The following NCKAP5 variants were observed in gnomAD, a reference collection of about 807,000 sequenced individuals.
NCKAP5 encodes the protein nck-associated protein 5.
A neutral mutation model predicts 167.0 loss-of-function variants in NCKAP5; 92 were observed. The ratio of observed to expected loss-of-function variants is 0.55; its 90% CI spans 0.47 to 0.66. NCKAP5 has a LOEUF of 0.66. Among genes scored for constraint, NCKAP5 ranks in the 30% least tolerant of loss-of-function variants. The pLI is 0.00. For missense variants in NCKAP5, 2,378 were observed against 2,315.0 expected (o/e 1.03, Z -0.56); for synonymous variants, 891 against 877.4 (o/e 1.02, Z -0.27).
intron 6 of NCKAP5, among the ~76,000 whole-genome samples, chr2:133,064,029 GACCC>G (rs2080103416): frequency 6.6e-6 from 1 of 152,136 alleles, no homozygotes; most frequent in African/African-American, 2.4e-5. Flanking sequence ...ACACAAATCA[GACCC>G]AACCTCAGCG....
chr2:132,736,166 G>C (rs1221046868), intron 16 of NCKAP5, among the ~76,000 whole-genome samples: 2 of 152,212 alleles, frequency 1.3e-5, no homozygotes, highest in African/African-American at 2.4e-5. Flanking sequence ...GGTGTGGACA[G>C]TCAGGGGCTC....
intron 11 of NCKAP5, among the ~76,000 whole-genome samples, chr2:132,805,579 G>A (rs1685364487): frequency 6.6e-6 from 1 of 150,538 alleles, no homozygotes; most frequent in African/African-American, 2.4e-5. Flanking sequence ...AATTTCATTT[G>A]CTTTTTAGAT....
At chr2:133,319,826 T>C (rs1681902845) in intron 3 of NCKAP5, among the ~76,000 whole-genome samples, 1 of 152,220 alleles carries the variant, frequency 6.6e-6, no homozygotes, top group Non-Finnish European at 1.5e-5. Flanking sequence ...GTTCTGAGTA[T>C]GCAAATGCTA....
chr2:133,450,762 G>A (rs1218618353), intron 3 of NCKAP5, among the ~76,000 whole-genome samples: 1 of 152,082 alleles, frequency 6.6e-6, no homozygotes, highest in African/African-American at 2.4e-5. Context: ...AAAACCTTCT[G>A]GTTGACATCA....
At chr2:133,587,102 C>G in the NCKAP5 span, among the ~76,000 whole-genome samples, 3 of 152,186 alleles carry the variant, frequency 2.0e-5, no homozygotes, top group African/African-American at 7.2e-5. Flanking sequence ...GACGTCCTCA[C>G]CTTTTCCCTT....
At chr2:132,878,742 A>T (rs1325609995) in intron 9 of NCKAP5, 106 bp downstream of exon 9, 1 of 837,214 alleles carries the variant, frequency 1.2e-6, no homozygotes, top group East Asian at 2.4e-5. Flanking sequence ...GGAGGAGAAA[A>T]TGCTGATGTT....
the NCKAP5 span, among the ~76,000 whole-genome samples, chr2:133,579,221 C>T: frequency 1.3e-5 from 2 of 152,124 alleles, no homozygotes; most frequent in Non-Finnish European, 2.9e-5. Flanking sequence ...CTAAAAATTG[C>T]ACAGCTACTG....
At chr2:132,785,971 C>A (rs1412491165) in intron 13 of NCKAP5, among the ~76,000 whole-genome samples, 2 of 152,152 alleles carry the variant, frequency 1.3e-5, no homozygotes, top group African/African-American at 4.8e-5. Context: ...GGAGGAATCC[C>A]AGTGGGGAGA....
At chr2:133,512,266 C>T (rs1683559187) in intron 3 of NCKAP5, among the ~76,000 whole-genome samples, 1 of 152,132 alleles carries the variant, frequency 6.6e-6, no homozygotes, top group African/African-American at 2.4e-5. Flanking sequence ...ATTCTTCCTA[C>T]TGGGGTATAT....
chr2:133,544,770 T>C (rs1451913860), intron 2 of NCKAP5, among the ~76,000 whole-genome samples: 5 of 152,222 alleles, frequency 3.3e-5, no homozygotes, highest in African/African-American at 4.8e-5. Flanking sequence ...TTAATCTAAA[T>C]CACTGTCTCC....
chr2:133,029,863 C>T (rs2078824617), intron 6 of NCKAP5, among the ~76,000 whole-genome samples: 4 of 152,240 alleles, frequency 2.6e-5, no homozygotes, highest in African/African-American at 7.2e-5. Context: ...AAGCTATAAT[C>T]GATTTTGGAA....
chr2:133,285,390 G>A (rs2090071148), intron 4 of NCKAP5, among the ~76,000 whole-genome samples: 1 of 152,114 alleles, frequency 6.6e-6, no homozygotes. Flanking sequence ...AAATTATGAT[G>A]AGGAAGATAA....
chr2:133,543,954 T>C (rs1558769793), intron 2 of NCKAP5, among the ~76,000 whole-genome samples: 1 of 152,234 alleles, frequency 6.6e-6, no homozygotes, highest in Non-Finnish European at 1.5e-5. Flanking sequence ...TGGTTATCTC[T>C]ATCCCAGTAC....
At chr2:133,355,567 A>G (rs919167462) in intron 3 of NCKAP5, among the ~76,000 whole-genome samples, 3 of 151,922 alleles carry the variant, frequency 2.0e-5, no homozygotes, top group African/African-American at 4.8e-5. Flanking sequence ...TAGTCAAAAG[A>G]TCTTACGGTA....
intron 8 of NCKAP5, among the ~76,000 whole-genome samples, chr2:132,959,183 C>CTAATTTTAATTAGGTAAATAGGAAT (rs2076435136): frequency 6.6e-6 from 1 of 151,188 alleles, no homozygotes; most frequent in Non-Finnish European, 1.5e-5. Flanking sequence ...TTTGAACTAC[C>CTAATTTTAATTAGGTAAATAGGAAT]TAATTTTAAA....
At chr2:132,825,668 A>G (rs907553267) in intron 11 of NCKAP5, among the ~76,000 whole-genome samples, 1 of 152,182 alleles carries the variant, frequency 6.6e-6, no homozygotes, top group Non-Finnish European at 1.5e-5. Flanking sequence ...TTGACTAGTG[A>G]TTTCATGTTT....
chr2:132,672,378 CCA>C lies in NCKAP5; in HGVS notation c.*909_*910del, dbSNP rs1360706907. The C allele has an allele frequency of 6.6e-6, 1 of 152,208 alleles. No homozygotes were observed. Among genetic ancestry groups the C allele is most frequent in the Non-Finnish European group, 1.5e-5 (1 of 68,040 alleles). 9.4% of individuals were successfully genotyped at this position (152,208 alleles called of 1,614,324 possible). A position where few individuals can be genotyped will look rare whatever the true frequency, so the allele number is the denominator to read the frequency against. On this transcript the variant is annotated 3_prime_UTR_variant, in exon 20 of 20. Transcript: ENST00000409261. ...ACAATGTCACACTCCCAATCAGTGT[CCA>C]CACTTCAGGACCCTTTTCATTTTTC... is the stretch of plus-strand genomic sequence containing the variant.
rs145751773 is a variant in NCKAP5, at chr2:133,275,406, A to G, written c.143+27631T>C. On this transcript the variant is annotated intron_variant, in intron 4 of 19. Transcript: ENST00000409261. The stretch of plus-strand genomic sequence containing the variant: ...AAAAGGCTCACACATACACACATAC[A>G]CACAACCACACATGGAACTCGCACG... Among the ~76,000 whole-genome samples, 13 of 152,234 alleles carry G rather than the reference A, an allele frequency of 8.5e-5. No homozygotes were observed. The East Asian group carries it at 2.5e-3, about 29-fold the overall frequency.
At chr2:133,290,530 G>A (rs999552127) in intron 4 of NCKAP5, among the ~76,000 whole-genome samples, 4 of 152,092 alleles carry the variant, frequency 2.6e-5, no homozygotes, top group Non-Finnish European at 5.9e-5. Flanking sequence ...TTGCTTTTTG[G>A]TTAAACACTT....
Sources: allele counts gnomAD v4.1 joint callset (sites outside exome capture counted in the v4.1 genomes callset), GRCh38; gene constraint gnomAD v4.1.1; transcripts MANE v1.5; gene names NCBI Gene and HGNC (gene_info 2026-07-23, HGNC 2026-07-21).